The following LPCAT3 variants were observed in gnomAD, a reference collection of about 807,000 sequenced individuals.
LPCAT3 encodes the protein lysophosphatidylcholine acyltransferase 3, also known as lysophospholipid acyltransferase 5.
A neutral mutation model predicts 63.4 loss-of-function variants in LPCAT3; 21 were observed. That is an observed-to-expected ratio of 0.33 (90% CI 0.23 to 0.48). The LOEUF (loss-of-function observed/expected upper bound fraction) is 0.48, where lower values mean the gene tolerates loss of function less well. Among genes scored for constraint, LPCAT3 ranks in the 20% least tolerant of loss-of-function variants. The pLI is 0.99. For synonymous variants in LPCAT3, 242 were observed against 227.5 expected (o/e 1.06, Z -0.58); for missense variants, 451 against 590.6 (o/e 0.76, Z 2.45).
chr12:7,006,843 C>T (rs1356135572), intron 1 of LPCAT3, among the ~76,000 whole-genome samples: 1 of 152,124 alleles, frequency 6.6e-6, no homozygotes, highest in Non-Finnish European at 1.5e-5. Context: ...AGAGTAGTGT[C>T]CAAGTCCATC....
rs972771034 is a variant in LPCAT3, at chr12:6,986,836, C to T, written c.152-3297G>A. 1.7e-4 allele frequency among the ~76,000 whole-genome samples: 26 copies of T among 150,988 alleles called. No homozygotes were observed. The South Asian group carries it at 2.5e-3, about 15-fold the overall frequency. On this transcript the variant is annotated intron_variant, in intron 1 of 12. Transcript: ENST00000261407. ...AAAAAAAAAAGTTACACCTGTCGGC[C>T]GGGTGCGGCAGCTCACACCTGTAAT... is the stretch of plus-strand genomic sequence containing the variant.
At chr12:6,983,401 T>C in intron 2 of LPCAT3, 31 bp downstream of exon 2, 1 of 1,426,932 alleles carries the variant, frequency 7.0e-7, no homozygotes, top group Non-Finnish European at 9.9e-7. Flanking sequence ...TCCCACTAAT[T>C]GCGGTGTCAC....
chr12:7,006,396 T>C (rs1946725270), intron 1 of LPCAT3, among the ~76,000 whole-genome samples: 1 of 152,172 alleles, frequency 6.6e-6, no homozygotes, highest in South Asian at 2.1e-4. Context: ...TTTTTGTATT[T>C]TTAGTAGAGA....
At chr12:6,989,698 T>C (rs1010439586) in intron 1 of LPCAT3, among the ~76,000 whole-genome samples, 1 of 152,174 alleles carries the variant, frequency 6.6e-6, no homozygotes, top group African/African-American at 2.4e-5. Context: ...AACTGTATTA[T>C]TCAGTCTCTG....
chr12:7,005,347 T>C (rs1294728837), intron 1 of LPCAT3, among the ~76,000 whole-genome samples: 3 of 152,252 alleles, frequency 2.0e-5, no homozygotes, highest in Non-Finnish European at 4.4e-5. Context: ...TTTGTCCCAA[T>C]TGGTGGACAA....
Position 6,977,842 on chromosome 12 carries a change from G to T in LPCAT3, c.1041-97C>A. 6.9e-7 allele frequency: 1 copy of T among 1,459,074 alleles called. No homozygotes were observed. Among genetic ancestry groups the T allele is most frequent in the Non-Finnish European group, 9.5e-7 (1 of 1,052,554 alleles). The allele number at this position is 1,459,074 out of a possible 1,614,324, so 90.4% of individuals were successfully genotyped here. A position where few individuals can be genotyped will look rare whatever the true frequency, so the allele number is the denominator to read the frequency against. ...CTCACCCTGAGGATTGGATTGGAGT[G>T]CTGGTGGGTTCCCACGTGTAGCCCC... On this transcript the variant is annotated intron_variant, in intron 9 of 12. Transcript: ENST00000261407. The surrounding 1 kb of genome is among the most constrained non-coding windows in gnomAD (Gnocchi z 4.5).
Position 6,987,816 on chromosome 12 carries a change from T to C in LPCAT3, c.152-4277A>G. 2 of 400,796 alleles carry C rather than the reference T, an allele frequency of 5.0e-6. No individual in the cohort carries two copies. Among genetic ancestry groups the C allele is most frequent in the Non-Finnish European group, 4.4e-6 (1 of 226,242 alleles). The allele number at this position is 400,796 out of a possible 1,614,324, so 24.8% of individuals were successfully genotyped here. On this transcript the variant is annotated intron_variant, in intron 1 of 12. Coordinates refer to ENST00000261407, the MANE Select transcript of LPCAT3 (RefSeq NM_005768.6). This position sits in a 1 kb window ranked among gnomAD's most constrained non-coding sequence, Gnocchi z 4.1. ...TCGTATCTATTCCAGAGTAAAGTCATGATGGCTTTATGACGTTCTGAGGTA... is the reference window on the plus strand; with the variant it reads ...TCGTATCTATTCCAGAGTAAAGTCACGATGGCTTTATGACGTTCTGAGGTA...
chr12:7,006,968 G>A (rs1565605780), intron 1 of LPCAT3, among the ~76,000 whole-genome samples: 1 of 152,118 alleles, frequency 6.6e-6, no homozygotes, highest in Non-Finnish European at 1.5e-5. Context: ...TATAGAGATC[G>A]GAACTTTAAC....
chr12:6,990,793 T>C (rs1946582026), intron 1 of LPCAT3, among the ~76,000 whole-genome samples: 1 of 150,630 alleles, frequency 6.6e-6, no homozygotes, highest in Admixed American at 6.6e-5. Flanking sequence ...GGCAGGCGCC[T>C]GTGATCCCAG....
chr12:6,978,959 GTTTGGAATGAGCA>G (rs1447370040), intron 7 of LPCAT3: 6 of 441,494 alleles, frequency 1.4e-5, no homozygotes, highest in Non-Finnish European at 2.4e-5. Flanking sequence ...TTGGCAAAGT[GTTTGGAATGAGCA>G]TTTGGAATGT....
chr12:7,008,325 G>C (rs1273857160), intron 1 of LPCAT3, among the ~76,000 whole-genome samples: 1 of 152,028 alleles, frequency 6.6e-6, no homozygotes, highest in Non-Finnish European at 1.5e-5. Flanking sequence ...CCTGGTCCTT[G>C]ACTTCAGCCA....
chr12:6,985,441 A>G (rs1278112711), intron 1 of LPCAT3, among the ~76,000 whole-genome samples: 1 of 151,900 alleles, frequency 6.6e-6, no homozygotes, highest in Non-Finnish European at 1.5e-5. Context: ...TGGCTGGTGC[A>G]GTGGCTCACG....
At position 6,977,338 on chromosome 12, in the gene LPCAT3, C is replaced by A. The variant is rs1156997350; in HGVS notation, c.1347+29G>T. On this transcript the variant is annotated intron_variant, in intron 11 of 12. Transcript: ENST00000261407. This position sits in a 1 kb window ranked among gnomAD's most constrained non-coding sequence, Gnocchi z 4.5. ...ACCTTTGAGGTTGCAGTGAGTCCCT[C>A]CCAGTCTCACAAGCAGGCCTTCACT... is the stretch of plus-strand genomic sequence containing the variant. 1 of 1,613,842 alleles carries A rather than the reference C, an allele frequency of 6.2e-7. No homozygotes were observed. Among genetic ancestry groups the A allele is most frequent in the African/African-American group, 1.3e-5 (1 of 75,030 alleles).
chr12:7,005,791 A>C (rs1299128056), intron 1 of LPCAT3, among the ~76,000 whole-genome samples: 1 of 152,134 alleles, frequency 6.6e-6, no homozygotes, highest in African/African-American at 2.4e-5. Flanking sequence ...TTTATTGTTG[A>C]ATTCTAAGAG....
At chr12:6,992,008 A>G (rs1946594141) in intron 1 of LPCAT3, among the ~76,000 whole-genome samples, 2 of 152,110 alleles carry the variant, frequency 1.3e-5, no homozygotes, top group South Asian at 4.1e-4. Flanking sequence ...CCTGGCCAAC[A>G]TGGCGAAACC....
intron 1 of LPCAT3, 21 bp from the exon 2 acceptor site, chr12:6,983,560 GAA>G (rs1555154429): frequency 6.7e-7 from 1 of 1,495,070 alleles, no homozygotes; most frequent in East Asian, 2.3e-5. Context: ...GAAAAGATAA[GAA>G]GAGTGTTATT....
At chr12:6,995,689 G>A (rs1946630627) in intron 1 of LPCAT3, among the ~76,000 whole-genome samples, 1 of 151,846 alleles carries the variant, frequency 6.6e-6, no homozygotes, top group Non-Finnish European at 1.5e-5. Flanking sequence ...CCTGCACCAC[G>A]TCTTCCCAGC....
chr12:7,003,976 A>C (rs1186986081), intron 1 of LPCAT3, among the ~76,000 whole-genome samples: 1 of 152,158 alleles, frequency 6.6e-6, no homozygotes, highest in Non-Finnish European at 1.5e-5. Context: ...CTTATTAAAA[A>C]TGCAGATTCC....
chr12:7,010,568 A>G (rs1418645783), intron 1 of LPCAT3, among the ~76,000 whole-genome samples: 1 of 152,156 alleles, frequency 6.6e-6, no homozygotes, highest in Non-Finnish European at 1.5e-5. Context: ...GACACATGCT[A>G]CCATGCCCAG....
Sources: gnomAD v4.1 joint callset for allele counts (sites outside exome capture counted in the v4.1 genomes callset) on GRCh38, gnomAD v4.1.1 for gene constraint, Gnocchi (gnomAD v3.1) non-coding constraint, MANE v1.5 for transcripts, NCBI Gene and HGNC (gene_info 2026-07-23, HGNC 2026-07-21) for gene names.